EYS: variants seen among roughly 807,000 people sequenced by gnomAD.
EYS encodes the protein protein eyes shut homolog.
EYS carries 250 observed loss-of-function variants against 282.1 expected under a neutral mutation model. The observed-to-expected ratio is 0.89, with a 90% CI of 0.80 to 0.98. The LOEUF (loss-of-function observed/expected upper bound fraction) is 0.98. EYS is among the 50% of genes least tolerant of loss of function. The probability of loss-of-function intolerance (pLI) is 0.00; values close to 1 mark genes in which losing one functional copy is unlikely to be tolerated. For synonymous variants in EYS, 1,355 were observed against 1,282.9 expected, an observed-to-expected ratio of 1.06 and a Z score of -1.20; for missense variants, 4,016 against 3,709.0, an observed-to-expected ratio of 1.08 and a Z score of -2.15.
At chr6:64,543,407 C>G (rs1341849181) in intron 26 of EYS, among the ~76,000 whole-genome samples, 1 of 151,666 alleles carries the variant, frequency 6.6e-6, no homozygotes, top group Non-Finnish European at 1.5e-5. Context: ...GGCTTTTTTC[C>G]TTGATTTATA....
intron 32 of EYS, among the ~76,000 whole-genome samples, chr6:64,068,672 A>T (rs376290695): frequency 4.0e-4 from 60 of 151,882 alleles, no homozygotes; most frequent in African/African-American, 1.2e-3. Flanking sequence ...TATATATATA[A>T]AAAGAATTAT....
chr6:65,422,186 T>C (rs1405517443), intron 5 of EYS, among the ~76,000 whole-genome samples: 1 of 151,928 alleles, frequency 6.6e-6, no homozygotes, highest in Non-Finnish European at 1.5e-5. Flanking sequence ...AATAACTAAA[T>C]TTCAAGTGCT....
chr6:65,317,945 G>A (rs1434185636), intron 11 of EYS, among the ~76,000 whole-genome samples: 1 of 149,348 alleles, frequency 6.7e-6, no homozygotes, highest in Non-Finnish European at 1.5e-5. Flanking sequence ...TCGGCTCACC[G>A]CAACCTCCTC....
At chr6:65,448,274 C>G (rs1188318037) in intron 5 of EYS, among the ~76,000 whole-genome samples, 1 of 151,952 alleles carries the variant, frequency 6.6e-6, no homozygotes, top group Non-Finnish European at 1.5e-5. Context: ...ACGTGAAGTA[C>G]TGAGGAATTT....
chr6:64,956,756 T>C (rs1769717669), intron 14 of EYS, among the ~76,000 whole-genome samples: 1 of 152,022 alleles, frequency 6.6e-6, no homozygotes, highest in Non-Finnish European at 1.5e-5. Flanking sequence ...TCTAATAATC[T>C]GATCAATAAA....
At position 64,038,167 on chromosome 6, in the gene EYS, G is replaced by A. The variant is rs187312246; in HGVS notation, c.6725+28171C>T. Among the ~76,000 whole-genome samples, 3 of 152,016 alleles carry A rather than the reference G, an allele frequency of 2.0e-5. No individual in the cohort carries two copies. The South Asian group carries it at 6.2e-4, about 32-fold the overall frequency. On this transcript the variant is annotated intron_variant, in intron 33 of 42. Transcript: ENST00000503581. ...TGGGGGTTAAGTGGGGATGTGGATTGGGGGATGTGGATAGGGCAGATGTTG... is the reference window on the plus strand; with the variant it reads ...TGGGGGTTAAGTGGGGATGTGGATTAGGGGATGTGGATAGGGCAGATGTTG...
intron 2 of EYS, among the ~76,000 whole-genome samples, chr6:65,609,380 A>C (rs1196394140): frequency 1.9e-4 from 29 of 152,094 alleles, no homozygotes; most frequent in Non-Finnish European, 3.1e-4. Flanking sequence ...GAACTGTATA[A>C]AATTTAATTT....
At chr6:64,318,210 T>C (rs1043128602) in intron 29 of EYS, among the ~76,000 whole-genome samples, 1 of 152,040 alleles carries the variant, frequency 6.6e-6, no homozygotes, top group African/African-American at 2.4e-5. Flanking sequence ...TTTTTTCATT[T>C]CAAACATGTT....
intron 26 of EYS, among the ~76,000 whole-genome samples, chr6:64,566,023 C>T (rs73764813): frequency 0.03 from 4,557 of 149,886 alleles, 154 homozygotes; most frequent in East Asian, 0.11. Flanking sequence ...TGTGTGTGTG[C>T]AAGAAATCTG....
chr6:64,919,281 C>T (rs1019636125), intron 15 of EYS, among the ~76,000 whole-genome samples: 1 of 152,140 alleles, frequency 6.6e-6, no homozygotes, highest in African/African-American at 2.4e-5. Flanking sequence ...AAGCGATTCT[C>T]CTGCCTCAGC....
chr6:64,829,566 C>A, intron 19 of EYS, among the ~76,000 whole-genome samples: 1 of 151,960 alleles, frequency 6.6e-6, no homozygotes, highest in East Asian at 1.9e-4. Flanking sequence ...AGCCACTTTA[C>A]AACAAAGCAT....
At chr6:63,852,156 CAAAAAAA>C (rs67772165) in intron 36 of EYS, among the ~76,000 whole-genome samples, 1 of 54,984 alleles carries the variant, frequency 1.8e-5, no homozygotes, top group Non-Finnish European at 2.9e-5. Context: ...GACTCTGTCT[CAAAAAAA>C]AAAAAAAAAA....
At chr6:65,425,702 A>G (rs1412841675) in intron 5 of EYS, among the ~76,000 whole-genome samples, 1 of 152,112 alleles carries the variant, frequency 6.6e-6, no homozygotes, top group Non-Finnish European at 1.5e-5. Flanking sequence ...TACTCATAAA[A>G]TTTTGGCTTT....
chr6:64,012,653 G>C (rs558935797), intron 33 of EYS, among the ~76,000 whole-genome samples: 30 of 152,266 alleles, frequency 2.0e-4, no homozygotes, highest in African/African-American at 7.2e-4. Context: ...TGATTGTCAT[G>C]GCTGGGTAAG....
At chr6:64,839,504 T>C (rs1384249174) in intron 19 of EYS, among the ~76,000 whole-genome samples, 1 of 152,006 alleles carries the variant, frequency 6.6e-6, no homozygotes, top group Non-Finnish European at 1.5e-5. Flanking sequence ...TGATACAAAA[T>C]AGTTTTTAAC....
At chr6:63,730,665 G>C (rs1768760258) in intron 41 of EYS, among the ~76,000 whole-genome samples, 1 of 152,170 alleles carries the variant, frequency 6.6e-6, no homozygotes, top group Non-Finnish European at 1.5e-5. Flanking sequence ...GATTATCTTA[G>C]ATTAATTATA....
chr6:64,979,180 G>A (rs1047623324), intron 14 of EYS, among the ~76,000 whole-genome samples: 7 of 151,602 alleles, frequency 4.6e-5, no homozygotes, highest in East Asian at 1.9e-4. Flanking sequence ...TGTATGACTC[G>A]CTTTATTGCT....
chr6:64,085,313 GACGCGCGC>G (rs1772107584), intron 31 of EYS, among the ~76,000 whole-genome samples: 1 of 124,928 alleles, frequency 8.0e-6, no homozygotes, highest in Non-Finnish European at 1.6e-5. Context: ...TCTCCTTCCA[GACGCGCGC>G]GCGTGCGCAC....
intron 26 of EYS, among the ~76,000 whole-genome samples, chr6:64,515,890 T>C (rs1354269619): frequency 2.6e-5 from 4 of 151,790 alleles, no homozygotes; most frequent in Admixed American, 6.6e-5. Flanking sequence ...TATATGCTAA[T>C]AAGAATGTAA....
Sources: gnomAD v4.1 joint callset for allele counts (sites outside exome capture counted in the v4.1 genomes callset) on GRCh38, gnomAD v4.1.1 for gene constraint, MANE v1.5 for transcripts, NCBI Gene and HGNC (gene_info 2026-07-23, HGNC 2026-07-21) for gene names.